The following TAS1R2 variants were observed in gnomAD, a reference collection of about 807,000 sequenced individuals.
The protein encoded by TAS1R2 is taste receptor type 1 member 2.
A neutral mutation model predicts 49.3 loss-of-function variants in TAS1R2; 47 were observed. The ratio of observed to expected loss-of-function variants is 0.95; its 90% CI spans 0.75 to 1.22. The LOEUF is 1.22. TAS1R2 is among the 50% of genes most tolerant of loss of function. TAS1R2 has a pLI of 0.00. For synonymous variants in TAS1R2, 479 were observed against 467.9 expected (o/e 1.02, Z -0.31); for missense variants, 1,155 against 1,122.1 (o/e 1.03, Z -0.42).
chr1:18,855,773 A>G (rs1329647982), intron 2 of TAS1R2, among the ~76,000 whole-genome samples: 2 of 152,074 alleles, frequency 1.3e-5, no homozygotes, highest in Non-Finnish European at 2.9e-5. Context: ...ACCCTCCCCC[A>G]TCTTGGCTGG....
exon 6 of TAS1R2, chr1:18,839,790 A>G (rs1375698920): frequency 3.1e-6 from 5 of 1,614,130 alleles, no homozygotes; most frequent in Non-Finnish European, 4.2e-6. Context: ...ATGAAGGTGC[A>G]GAGGGAGACG....
chr1:18,846,787 TC>T (rs1933927910), intron 4 of TAS1R2, among the ~76,000 whole-genome samples: 1 of 152,132 alleles, frequency 6.6e-6, no homozygotes, highest in African/African-American at 2.4e-5. Context: ...GATGTGGGTG[TC>T]CCCACCCAAA....
chr1:18,840,520 A>G lies in TAS1R2; in HGVS notation c.1599T>C (p.Tyr533=), dbSNP rs780445904. 4.3e-6 allele frequency: 7 copies of G among 1,614,146 alleles called. No individual in the cohort carries two copies. In the South Asian group the frequency reaches 6.6e-5, roughly 15 times the overall value. The stretch of plus-strand genomic sequence containing the variant: ...CGTTATTCGGGCAGGCCTGGCATTC[A>G]TATTCATCTGCAAAAGCCACAGCGA... The change falls in exon 6 of 6, where the codon TAT becomes TAC. Residue 533 remains tyrosine, a synonymous_variant. Coordinates refer to ENST00000375371, the Ensembl canonical transcript of TAS1R2.
chr1:18,847,262 G>T (rs1046262262), intron 4 of TAS1R2, among the ~76,000 whole-genome samples: 1 of 152,150 alleles, frequency 6.6e-6, no homozygotes, highest in African/African-American at 2.4e-5. Flanking sequence ...GAGAAGCCTG[G>T]AACAGATTCT....
intron 4 of TAS1R2, among the ~76,000 whole-genome samples, chr1:18,847,086 G>A (rs1458941298): frequency 6.6e-6 from 1 of 152,174 alleles, no homozygotes; most frequent in African/African-American, 2.4e-5. Context: ...CCAGCATCAT[G>A]CTTCCTGTAC....
Position 18,857,404 on chromosome 1 carries a change from GCCA to G in TAS1R2, c.407_409del (p.Val136del), listed in dbSNP as rs1439713678. On this transcript the variant is annotated inframe_deletion, in exon 2 of 6. Coordinates refer to ENST00000375371, the Ensembl canonical transcript of TAS1R2. Reference sequence around the variant, plus strand: ...CTCGGAGTTGTCAGGGCCAATGACAGCCACCACACGGGAAATGTAGTTACTGTA... The same window carrying G: ...CTCGGAGTTGTCAGGGCCAATGACAGCCACACGGGAAATGTAGTTACTGTA... The G allele has an allele frequency of 4.3e-6, 7 of 1,614,228 alleles. No individual in the cohort carries two copies. In the Admixed American group the frequency reaches 1.0e-4, roughly 23 times the overall value.
Position 18,854,159 on chromosome 1 carries a change from C to G in TAS1R2, c.1257+54G>C. 6.4e-7 allele frequency: 1 copy of G among 1,557,394 alleles called. No homozygotes were observed. The highest frequency in any genetic ancestry group is 1.8e-5 in the Admixed American group (1 of 55,682). ...CTTTCACACCCATTTGCCCAGAACC[C>G]CAGGGGAGGAGGATGGAGGTGCCCT... On this transcript the variant is annotated intron_variant, in intron 3 of 5. Transcript: ENST00000375371. This position sits in a 1 kb window ranked among gnomAD's most constrained non-coding sequence, Gnocchi z 4.9.
At chr1:18,852,504 G>A (rs1934049082) in intron 3 of TAS1R2, among the ~76,000 whole-genome samples, 1 of 152,226 alleles carries the variant, frequency 6.6e-6, no homozygotes, top group Non-Finnish European at 1.5e-5. Context: ...AGCCTACATA[G>A]GGTGGGCTGG....
rs1220045228 is a variant in TAS1R2 at position 18,854,087 on chromosome 1, C to G, written c.1257+126G>C. Reference sequence around the variant, plus strand: ...TTAAAAAGCAATTTTGTTTTGGCACCAGGAAGGACTAGTGCTATGTGTCTG... The same window carrying G: ...TTAAAAAGCAATTTTGTTTTGGCACGAGGAAGGACTAGTGCTATGTGTCTG... On this transcript the variant is annotated intron_variant, in intron 3 of 5. Transcript: ENST00000375371. This position sits in a 1 kb window ranked among gnomAD's most constrained non-coding sequence, Gnocchi z 4.9. 1 of 921,400 alleles carries G rather than the reference C, an allele frequency of 1.1e-6. No individual in the cohort carries two copies. Among genetic ancestry groups the G allele is most frequent in the Non-Finnish European group, 1.6e-6 (1 of 625,072 alleles). The allele number at this position is 921,400 out of a possible 1,614,324, so 57.1% of individuals were successfully genotyped here. A position where few individuals can be genotyped will look rare whatever the true frequency, so the allele number is the denominator to read the frequency against.
At chr1:18,846,415 C>A (rs910249780) in intron 4 of TAS1R2, among the ~76,000 whole-genome samples, 1 of 152,194 alleles carries the variant, frequency 6.6e-6, no homozygotes, top group Non-Finnish European at 1.5e-5. Context: ...TTTCCCTGTT[C>A]CCTGTGGAAC....
exon 2 of TAS1R2, chr1:18,857,427 A>G: frequency 6.2e-7 from 1 of 1,614,184 alleles, no homozygotes; most frequent in Non-Finnish European, 8.5e-7. Flanking sequence ...AAATGTAGTT[A>G]CTGTAGTCCT....
chr1:18,841,999 A>AAC, intron 4 of TAS1R2, 147 bp from the exon 5 acceptor site: 2 of 942,462 alleles, frequency 2.1e-6, no homozygotes, highest in Non-Finnish European at 3.0e-6. Context: ...AAAAAAAAAA[A>AAC]CTCTCATGCT....
chr1:18,857,766 C>T lies in TAS1R2; in HGVS notation c.183-135G>A, dbSNP rs148255505. ...CTGAGAAGAGCCACTCCAGAAGACT[C>T]GGGCATTTTCACCATGTCATTGTCA... On this transcript the variant is annotated intron_variant, in intron 1 of 5. Coordinates refer to ENST00000375371, the Ensembl canonical transcript of TAS1R2. The T allele has an allele frequency of 1.0e-4, 100 of 981,916 alleles. No homozygotes were observed. The African/African-American group carries it at 1.2e-3, about 11-fold the overall frequency. 60.8% of individuals were successfully genotyped at this position (981,916 alleles called of 1,614,324 possible).
chr1:18,854,163 G>T lies in TAS1R2; in HGVS notation c.1257+50C>A. 1 of 1,567,554 alleles carries T rather than the reference G, an allele frequency of 6.4e-7. No homozygotes were observed. The highest frequency in any genetic ancestry group is 8.7e-7 in the Non-Finnish European group (1 of 1,150,356). On this transcript the variant is annotated intron_variant, in intron 3 of 5. Transcript: ENST00000375371. The surrounding 1 kb of genome is among the most constrained non-coding windows in gnomAD (Gnocchi z 4.9). ...CACACCCATTTGCCCAGAACCCCAGGGGAGGAGGATGGAGGTGCCCTGCAG... is the reference window on the plus strand; with the variant it reads ...CACACCCATTTGCCCAGAACCCCAGTGGAGGAGGATGGAGGTGCCCTGCAG...
rs1254354481 is a variant in TAS1R2 at position 18,854,346 on chromosome 1, G to C, written c.1124C>G (p.Thr375Ser). ...ACGCTCCCCAGAGAGCCTGAGAATG[G>C]TGTTGAAGGACAAGGTGGCGTTCAG... is the stretch of plus-strand genomic sequence containing the variant. Residue 375 changes from threonine to serine, a missense_variant, in exon 3 of 6, where the codon ACC (threonine) becomes AGC (serine). Physicochemically the swap from Thr to Ser is moderately conservative, Grantham distance 58 (BLOSUM62 1). Transcript: ENST00000375371. The surrounding 1 kb of genome is among the most constrained non-coding windows in gnomAD (Gnocchi z 4.9). The C allele has an allele frequency of 6.2e-7, 1 of 1,613,964 alleles. No individual in the cohort carries two copies. The highest frequency in any genetic ancestry group is 1.6e-4 in the Middle Eastern group (1 of 6,062).
intron 4 of TAS1R2, among the ~76,000 whole-genome samples, chr1:18,845,478 T>C (rs1398221850): frequency 6.6e-6 from 1 of 152,206 alleles, no homozygotes; most frequent in Non-Finnish European, 1.5e-5. Flanking sequence ...GCAGCATTGG[T>C]GCTTCTCCTC....
intron 4 of TAS1R2, among the ~76,000 whole-genome samples, chr1:18,842,224 G>A (rs1481922917): frequency 6.6e-6 from 1 of 152,140 alleles, no homozygotes; most frequent in Non-Finnish European, 1.5e-5. Flanking sequence ...AAGCACTTAT[G>A]AAGGTCACAG....
At chr1:18,841,242 T>G (rs919246247) in intron 5 of TAS1R2, among the ~76,000 whole-genome samples, 4 of 152,240 alleles carry the variant, frequency 2.6e-5, no homozygotes, top group Admixed American at 2.6e-4. Context: ...ATGATCATTC[T>G]TCTCATCAAG....
intron 5 of TAS1R2, among the ~76,000 whole-genome samples, chr1:18,841,434 C>T (rs993568072): frequency 6.6e-6 from 1 of 152,184 alleles, no homozygotes; most frequent in African/African-American, 2.4e-5. Context: ...AGCCTGACTC[C>T]CTGGGCCCTG....
Sources: gnomAD v4.1 joint callset for allele counts (sites outside exome capture counted in the v4.1 genomes callset) on GRCh38, gnomAD v4.1.1 for gene constraint, Gnocchi (gnomAD v3.1) non-coding constraint, MANE v1.5 for transcripts, NCBI Gene and HGNC (gene_info 2026-07-23, HGNC 2026-07-21) for gene names.